Variants in BRD10 observed in about 807,000 individuals in gnomAD.
BRD10 encodes the protein bromodomain containing 10.
the BRD10 span, chr9:5,967,962 G>T: frequency 8.7e-7 from 1 of 1,148,326 alleles, no homozygotes; most frequent in Non-Finnish European, 1.2e-6. Flanking sequence ...ATGCATAATG[G>T]AAAAAACAAT....
chr9:5,977,791 C>T, the BRD10 span, among the ~76,000 whole-genome samples: 2 of 152,108 alleles, frequency 1.3e-5, no homozygotes, highest in African/African-American at 2.4e-5. Context: ...ACCAAGATCA[C>T]GTCACTGCAC....
the BRD10 span, chr9:6,007,871 C>T: frequency 7.3e-7 from 1 of 1,372,518 alleles, no homozygotes; most frequent in Middle Eastern, 2.7e-4. Context: ...TTCCTCACGG[C>T]TCGGCCGCGG....
At chr9:5,944,385 T>C in the BRD10 span, among the ~76,000 whole-genome samples, 1 of 150,776 alleles carries the variant, frequency 6.6e-6, no homozygotes, top group Non-Finnish European at 1.5e-5. Context: ...ATAGTGAAAG[T>C]TAAAAAAAAA....
the BRD10 span, among the ~76,000 whole-genome samples, chr9:6,003,112 AG>A: frequency 2.0e-5 from 3 of 152,230 alleles, no homozygotes; most frequent in African/African-American, 7.2e-5. Flanking sequence ...ATTTTTTAAC[AG>A]TAACAATATG....
At chr9:5,924,878 C>T in the BRD10 span, 1 of 1,337,568 alleles carries the variant, frequency 7.5e-7, no homozygotes, top group Non-Finnish European at 9.8e-7. Context: ...ATAAATAATA[C>T]ATATGATTTA....
At chr9:5,999,176 T>C in the BRD10 span, among the ~76,000 whole-genome samples, 1 of 152,028 alleles carries the variant, frequency 6.6e-6, no homozygotes, top group Non-Finnish European at 1.5e-5. Flanking sequence ...ACTGATAAAA[T>C]TATGTATTTA....
At chr9:5,944,748 CTA>C in the BRD10 span, 1 of 523,344 alleles carries the variant, frequency 1.9e-6, no homozygotes, top group Non-Finnish European at 3.4e-6. Context: ...AACAATGTTT[CTA>C]TCTTTCATGG....
At chr9:5,915,433 T>C in the BRD10 span, among the ~76,000 whole-genome samples, 1 of 152,384 alleles carries the variant, frequency 6.6e-6, no homozygotes, top group African/African-American at 2.4e-5. Context: ...AGTTTGACTA[T>C]TACTACCTTT....
At chr9:5,945,108 T>C in the BRD10 span, 1 of 441,556 alleles carries the variant, frequency 2.3e-6, no homozygotes, top group Non-Finnish European at 4.0e-6. Context: ...AGTTTATATT[T>C]TAAAATATAT....
At chr9:5,983,402 T>A in the BRD10 span, among the ~76,000 whole-genome samples, 2 of 152,152 alleles carry the variant, frequency 1.3e-5, no homozygotes, top group South Asian at 4.1e-4. Flanking sequence ...AACAAAGCAA[T>A]GTTCACAATG....
chr9:5,979,049 G>C, the BRD10 span, among the ~76,000 whole-genome samples: 1 of 152,146 alleles, frequency 6.6e-6, no homozygotes, highest in Non-Finnish European at 1.5e-5. Flanking sequence ...TTAAGTCACT[G>C]CTACTTTGTG....
chr9:5,895,035 G>A, the BRD10 span, among the ~76,000 whole-genome samples: 1 of 152,154 alleles, frequency 6.6e-6, no homozygotes, highest in Non-Finnish European at 1.5e-5. Context: ...AGAACAAGAG[G>A]GAGCCTCTGG....
chr9:5,980,130 A>G, the BRD10 span, among the ~76,000 whole-genome samples: 1 of 152,148 alleles, frequency 6.6e-6, no homozygotes, highest in African/African-American at 2.4e-5. Flanking sequence ...GTTTTAGGTC[A>G]TCATTATAAA....
chr9:5,939,665 G>A, the BRD10 span, among the ~76,000 whole-genome samples: 235 of 152,310 alleles, frequency 1.5e-3, no homozygotes, highest in African/African-American at 5.5e-3. Flanking sequence ...CAAGTAAGTT[G>A]GCAGCAGTGG....
the BRD10 span, among the ~76,000 whole-genome samples, chr9:5,954,885 C>T: frequency 6.6e-5 from 10 of 151,998 alleles, no homozygotes; most frequent in South Asian, 6.2e-4. Flanking sequence ...GAGGTCAGTT[C>T]GAGACCAGCC....
chr9:5,889,636 T>C, the BRD10 span, among the ~76,000 whole-genome samples: 2 of 151,772 alleles, frequency 1.3e-5, no homozygotes, highest in Admixed American at 6.6e-5. Flanking sequence ...AATACAAAAA[T>C]TTGCCAGGTG....
At chr9:6,006,939 T>C in the BRD10 span, among the ~76,000 whole-genome samples, 2 of 152,198 alleles carry the variant, frequency 1.3e-5, no homozygotes, top group African/African-American at 2.4e-5. Context: ...CCATTTTACA[T>C]CTGCAAACTA....
At chr9:5,976,339 T>C in the BRD10 span, among the ~76,000 whole-genome samples, 1 of 152,248 alleles carries the variant, frequency 6.6e-6, no homozygotes, top group Non-Finnish European at 1.5e-5. Context: ...AAGGGTAGAA[T>C]ATTTTTCTTC....
the BRD10 span, among the ~76,000 whole-genome samples, chr9:5,984,581 A>G: frequency 6.6e-6 from 1 of 152,198 alleles, no homozygotes; most frequent in African/African-American, 2.4e-5. Context: ...AAAGCCATAA[A>G]TATCTATGCA....
Sources: gnomAD v4.1 joint callset for allele counts (sites outside exome capture counted in the v4.1 genomes callset) on GRCh38, gnomAD v4.1.1 for gene constraint, MANE v1.5 for transcripts, NCBI Gene and HGNC (gene_info 2026-07-23, HGNC 2026-07-21) for gene names.